DNER: variants seen among roughly 807,000 people sequenced by gnomAD.
The protein encoded by DNER is delta/notch like EGF repeat containing.
DNER carries 33 observed loss-of-function variants against 78.2 expected under a neutral mutation model. The observed-to-expected ratio is 0.42, with a 90% confidence interval of 0.32 to 0.56. The LOEUF (loss-of-function observed/expected upper bound fraction) is 0.56, where lower values mean the gene tolerates loss of function less well. Ranked by LOEUF, DNER falls within the 20% of genes least tolerant of loss-of-function variation. The pLI, the probability that DNER is intolerant of heterozygous loss-of-function variation, is 0.11. For missense variants in DNER, 918 were observed against 975.3 expected, an observed-to-expected ratio of 0.94 and a Z score of 0.78; for synonymous variants, 417 against 384.8, an observed-to-expected ratio of 1.08 and a Z score of -0.98.
intron 8 of DNER, among the ~76,000 whole-genome samples, chr2:229,445,143 G>A (rs1694314308): frequency 6.6e-6 from 1 of 152,178 alleles, no homozygotes. Flanking sequence ...TGTTCTTCCA[G>A]CACAATTGCA....
At chr2:229,608,196 C>T (rs1041150723) in intron 1 of DNER, among the ~76,000 whole-genome samples, 1 of 152,042 alleles carries the variant, frequency 6.6e-6, no homozygotes, top group East Asian at 1.9e-4. Flanking sequence ...AAAAATACGA[C>T]CTCAAAACTT....
chr2:229,695,415 T>C (rs1699647588), intron 1 of DNER, among the ~76,000 whole-genome samples: 1 of 151,016 alleles, frequency 6.6e-6, no homozygotes, highest in Non-Finnish European at 1.5e-5. Flanking sequence ...TAAGAATATA[T>C]TTATTATAAA....
At chr2:229,426,520 A>T (rs1409323318) in intron 8 of DNER, among the ~76,000 whole-genome samples, 1 of 151,914 alleles carries the variant, frequency 6.6e-6, no homozygotes, top group African/African-American at 2.4e-5. Context: ...TGAGCTTTCA[A>T]ATTCTGGCTA....
At chr2:229,440,534 T>A (rs1173683165) in intron 8 of DNER, among the ~76,000 whole-genome samples, 1 of 152,194 alleles carries the variant, frequency 6.6e-6, no homozygotes, top group Non-Finnish European at 1.5e-5. Flanking sequence ...TCCAATTTTT[T>A]CCCCTTTCTT....
rs149244888 is a variant in DNER, at chr2:229,507,243, C to T, written c.1147+5540G>A. ...TACAGCATTGTAATCTTATGGCACA[C>T]CACTGTTTATGCGGTCCATCACTGA... On this transcript the variant is annotated intron_variant, in intron 6 of 12. Coordinates refer to ENST00000341772, the MANE Select transcript of DNER (RefSeq NM_139072.4). Among the ~76,000 whole-genome samples, 739 of 152,304 alleles carry T rather than the reference C, an allele frequency of 4.9e-3. 6 individuals are homozygous for T. The highest frequency in any genetic ancestry group is 0.017 in the African/African-American group (698 of 41,552).
At chr2:229,575,373 C>A (rs1011906218) in intron 4 of DNER, among the ~76,000 whole-genome samples, 2 of 152,206 alleles carry the variant, frequency 1.3e-5, no homozygotes, top group African/African-American at 2.4e-5. Context: ...GCAGAAGCAT[C>A]TTAGTAACTC....
chr2:229,569,318 T>C (rs1217522112), intron 4 of DNER, among the ~76,000 whole-genome samples: 1 of 152,084 alleles, frequency 6.6e-6, no homozygotes, highest in Non-Finnish European at 1.5e-5. Context: ...GGTCAGGAGT[T>C]TGAGACTATC....
chr2:229,588,325 G>T, intron 3 of DNER, 69 bp downstream of exon 3: 6 of 1,451,756 alleles, frequency 4.1e-6, no homozygotes, highest in South Asian at 1.2e-5. Context: ...CCAGGTCCGC[G>T]GATGGACACA....
chr2:229,523,474 C>T (rs2154212632), intron 5 of DNER, among the ~76,000 whole-genome samples: 1 of 152,306 alleles, frequency 6.6e-6, no homozygotes, highest in Middle Eastern at 3.4e-3. Context: ...ACAGTCTTTA[C>T]TCTGTGTTTG....
chr2:229,571,049 G>A (rs978676017), intron 4 of DNER, among the ~76,000 whole-genome samples: 3 of 152,196 alleles, frequency 2.0e-5, no homozygotes, highest in Non-Finnish European at 4.4e-5. Flanking sequence ...GGGGCCTGGG[G>A]TGAAGCGGGG....
intron 1 of DNER, among the ~76,000 whole-genome samples, chr2:229,706,918 A>T (rs1699836331): frequency 6.6e-6 from 1 of 152,294 alleles, no homozygotes; most frequent in African/African-American, 2.4e-5. Context: ...CCACTTAAAA[A>T]TGTTAAAACC....
chr2:229,486,557 T>C (rs1302021653), intron 6 of DNER, among the ~76,000 whole-genome samples: 1 of 152,140 alleles, frequency 6.6e-6, no homozygotes, highest in Non-Finnish European at 1.5e-5. Context: ...AGAGGTTGAC[T>C]TTTACCTTCA....
chr2:229,387,505 A>AAGAAAGAG (rs1159502648), intron 11 of DNER, among the ~76,000 whole-genome samples: 71 of 87,282 alleles, frequency 8.1e-4, no homozygotes, highest in African/African-American at 1.7e-3. Context: ...GAAAGAAAGA[A>AAGAAAGAG]AGAGAGAAAG....
chr2:229,469,505 C>T (rs987812311), intron 7 of DNER, among the ~76,000 whole-genome samples: 5 of 152,174 alleles, frequency 3.3e-5, no homozygotes, highest in South Asian at 2.1e-4. Flanking sequence ...ATACTACCCT[C>T]GCTCGATAGA....
At position 229,546,996 on chromosome 2, in the gene DNER, T is replaced by G. The variant is rs146673499; in HGVS notation, c.944A>C (p.Asn315Thr). Residue 315 changes from asparagine to threonine, a missense_variant, in exon 5 of 13, where the codon AAT becomes ACT. Transcript: ENST00000341772. ...STCVPGESHA[N>T]DLECSGKGKC... The stretch of plus-strand genomic sequence containing the variant: ...TCCTTTTCCTGAACACTCCAAGTCA[T>G]TTGCGTGACTCTCCCCCGGCACACA... 458 of 1,614,140 alleles carry G rather than the reference T, an allele frequency of 2.8e-4. 4 individuals carry two copies. In the Middle Eastern group the frequency reaches 3.0e-3, roughly 10 times the overall value.
At chr2:229,613,093 T>C (rs1052922968) in intron 1 of DNER, among the ~76,000 whole-genome samples, 6 of 152,262 alleles carry the variant, frequency 3.9e-5, no homozygotes, top group Non-Finnish European at 7.3e-5. Context: ...ATCTCTATTG[T>C]GCCCAGCTCT....
chr2:229,489,671 A>G (rs1261807051), intron 6 of DNER, among the ~76,000 whole-genome samples: 1 of 151,880 alleles, frequency 6.6e-6, no homozygotes, highest in African/African-American at 2.4e-5. Flanking sequence ...ATGGCTCAGA[A>G]GGAGCCATTG....
intron 4 of DNER, among the ~76,000 whole-genome samples, chr2:229,575,753 G>T (rs1233613495): frequency 6.6e-6 from 1 of 152,150 alleles, no homozygotes; most frequent in African/African-American, 2.4e-5. Flanking sequence ...CAATCAACAG[G>T]TACCAATAAG....
intron 1 of DNER, among the ~76,000 whole-genome samples, chr2:229,706,212 T>G (rs1699823951): frequency 6.6e-6 from 1 of 152,072 alleles, no homozygotes; most frequent in African/African-American, 2.4e-5. Flanking sequence ...CGGAAATATT[T>G]AGGAGAGGGT....
Sources: gnomAD v4.1 joint callset for allele counts (sites outside exome capture counted in the v4.1 genomes callset) on GRCh38, gnomAD v4.1.1 for gene constraint, MANE v1.5 for transcripts, NCBI Gene and HGNC (gene_info 2026-07-23, HGNC 2026-07-21) for gene names.